The following PLAUR variants were observed in gnomAD, a reference collection of about 807,000 sequenced individuals.
PLAUR encodes plasminogen activator, urokinase receptor.
In PLAUR, 22 loss-of-function variants were observed where a neutral mutation model predicts 33.4. That is an observed-to-expected ratio of 0.66 (90% CI 0.47 to 0.94). PLAUR has a LOEUF of 0.94. PLAUR is among the 40% of genes least tolerant of loss of function. PLAUR has a pLI of 0.00. For synonymous variants in PLAUR, 148 were observed against 167.3 expected (o/e 0.88, Z 0.89); for missense variants, 408 against 434.7 (o/e 0.94, Z 0.55).
At chr19:43,651,962 C>G (rs1469204817) in intron 6 of PLAUR, 5 of 1,183,084 alleles carry the variant, frequency 4.2e-6, no homozygotes, top group African/African-American at 3.1e-5. Context: ...AAGAGATCCT[C>G]CGGCCTCAGC....
chr19:43,646,418 G>A (rs1413445352), downstream of PLAUR: 2 of 717,046 alleles, frequency 2.8e-6, no homozygotes, highest in African/African-American at 1.7e-5. Context: ...CCTGGGCTGA[G>A]ATGGCTGAAA....
At chr19:43,667,907 C>A in intron 1 of PLAUR, 1 of 1,397,852 alleles carries the variant, frequency 7.2e-7, no homozygotes, top group Non-Finnish European at 9.3e-7. Flanking sequence ...TATCCCTGCC[C>A]ACAAGTCCTT....
At chr19:43,646,521 G>A (rs570791364), downstream of PLAUR, 1 of 717,812 alleles carries the variant, frequency 1.4e-6, no homozygotes, top group African/African-American at 1.7e-5. Flanking sequence ...ACTTTTACAT[G>A]GCAACCAGCT....
At chr19:43,646,274 A>C (rs1973824782), downstream of PLAUR, 2 of 566,302 alleles carry the variant, frequency 3.5e-6, no homozygotes, top group Non-Finnish European at 6.3e-6. Context: ...ACAATGTGTT[A>C]GTTTATAAAG....
At chr19:43,669,465 C>T (rs2146300937) in intron 1 of PLAUR, among the ~76,000 whole-genome samples, 1 of 152,254 alleles carries the variant, frequency 6.6e-6, no homozygotes, top group East Asian at 1.9e-4. Context: ...AATAAAGTCC[C>T]ATCGCCTAGT....
intron 1 of PLAUR, 175 bp from the exon 2 acceptor site, chr19:43,667,866 G>A (rs1243783300): frequency 3.5e-6 from 5 of 1,438,362 alleles, no homozygotes; most frequent in African/African-American, 1.4e-5. Context: ...CGTTGTCCAC[G>A]TTCTACCTCC....
In PLAUR at chr19:43,665,349, A is replaced by AC. The variant is rs1252846888; in HGVS notation, c.276dup (p.Cys93ValfsTer36). ...CCCTGGTTGCACAAGTCTAACCCAC[A>AC]CACAACCTCGGTAAGGCTGGTGATC... On this transcript the variant is annotated frameshift_variant, in exon 3 of 7. Coordinates refer to ENST00000340093, the MANE Select transcript of PLAUR (RefSeq NM_002659.4). LOFTEE classifies it high-confidence loss of function. The AC allele has an allele frequency of 6.2e-7, 1 of 1,613,878 alleles. No individual in the cohort carries two copies. The highest frequency in any genetic ancestry group is 8.5e-7 in the Non-Finnish European group (1 of 1,180,006).
At chr19:43,665,821 A>T (rs896014997) in intron 2 of PLAUR, among the ~76,000 whole-genome samples, 1 of 146,824 alleles carries the variant, frequency 6.8e-6, no homozygotes, top group African/African-American at 2.5e-5. Flanking sequence ...ACATCACCAC[A>T]CCCTGCTAAT....
chr19:43,663,253 A>G (rs1299740522), intron 3 of PLAUR, among the ~76,000 whole-genome samples: 1 of 150,732 alleles, frequency 6.6e-6, no homozygotes, highest in Non-Finnish European at 1.5e-5. Flanking sequence ...CTTTTGCATT[A>G]ACCTAATAAT....
At chr19:43,655,925 C>T (rs1974189144) in intron 4 of PLAUR, among the ~76,000 whole-genome samples, 1 of 152,074 alleles carries the variant, frequency 6.6e-6, no homozygotes, top group Non-Finnish European at 1.5e-5. Flanking sequence ...CCATTTTAGA[C>T]TATGAGGCAT....
chr19:43,649,228 T>TG, intron 6 of PLAUR, 85 bp from the exon 7 acceptor site: 1 of 1,465,090 alleles, frequency 6.8e-7, no homozygotes, highest in African/African-American at 1.4e-5. Flanking sequence ...CACCTTGCAG[T>TG]GGGTGCCACC....
chr19:43,668,385 A>C (rs2146294488), intron 1 of PLAUR: 1 of 853,340 alleles, frequency 1.2e-6, no homozygotes, highest in African/African-American at 1.9e-5. Flanking sequence ...GCTCTTCCTG[A>C]CCTTATCTTC....
intron 2 of PLAUR, 89 bp downstream of exon 2, chr19:43,667,492 G>A (rs951502794): frequency 1.2e-6 from 1 of 862,858 alleles, no homozygotes; most frequent in African/African-American, 1.7e-5. Flanking sequence ...TTTTTAGTTT[G>A]CATGTCCCAG....
downstream of PLAUR, among the ~76,000 whole-genome samples, chr19:43,646,788 C>CTTTTT (rs71169269): frequency 1.0e-4 from 11 of 104,854 alleles, no homozygotes; most frequent in Admixed American, 2.2e-4. Flanking sequence ...TGGAAGATGT[C>CTTTTT]TTTTTTTTTT....
chr19:43,650,413 C>A (rs1192363259), intron 6 of PLAUR, among the ~76,000 whole-genome samples: 1 of 151,734 alleles, frequency 6.6e-6, no homozygotes. Context: ...GCAACCTCCA[C>A]CTCCCAGGCT....
At chr19:43,665,098 C>T in intron 3 of PLAUR, 1 of 580,400 alleles carries the variant, frequency 1.7e-6, no homozygotes. Context: ...TGAAGTTGGG[C>T]ATAGGATTGG....
At chr19:43,659,539 G>T (rs1442098074) in intron 3 of PLAUR, among the ~76,000 whole-genome samples, 1 of 151,942 alleles carries the variant, frequency 6.6e-6, no homozygotes. Context: ...CCATCTATCT[G>T]CTCATCACTC....
intron 6 of PLAUR, chr19:43,651,803 C>A (rs1654565285): frequency 1.0e-6 from 1 of 995,550 alleles, no homozygotes; most frequent in Non-Finnish European, 1.2e-6. Flanking sequence ...AATACAGAGA[C>A]CTTTCCAGGA....
At chr19:43,668,109 C>T (rs575510459) in intron 1 of PLAUR, 20 of 1,009,022 alleles carry the variant, frequency 2.0e-5, no homozygotes, top group Non-Finnish European at 2.4e-5. Flanking sequence ...TTGCCCCACC[C>T]GCGTCGATCT....
Sources: allele counts gnomAD v4.1 joint callset (sites outside exome capture counted in the v4.1 genomes callset), GRCh38; gene constraint gnomAD v4.1.1; transcripts MANE v1.5; gene names NCBI Gene and HGNC (gene_info 2026-07-23, HGNC 2026-07-21).